XDH: variants seen among roughly 807,000 people sequenced by gnomAD.
XDH encodes xanthine dehydrogenase/oxidase.
XDH carries 138 observed loss-of-function variants against 156.1 expected under a neutral mutation model. The observed-to-expected ratio is 0.88, with a 90% CI of 0.77 to 1.02. The LOEUF is 1.02. Among genes scored for constraint, XDH ranks in the 50% least tolerant of loss-of-function variants. XDH has a pLI of 0.00. For missense variants in XDH, 1,849 were observed against 1,684.9 expected (o/e 1.10, Z -1.71); for synonymous variants, 669 against 625.7 (o/e 1.07, Z -1.03).
At chr2:31,349,964 A>G (rs1685417315) in intron 25 of XDH, 68 bp downstream of exon 25, 1 of 1,612,000 alleles carries the variant, frequency 6.2e-7, no homozygotes, top group South Asian at 1.1e-5. Context: ...GATGCCCAAG[A>G]TACAAAGCCG....
At chr2:31,368,470 G>T in intron 19 of XDH, 71 bp downstream of exon 19, 1 of 1,591,792 alleles carries the variant, frequency 6.3e-7, no homozygotes, top group South Asian at 1.1e-5. Context: ...TCCCCTCCAG[G>T]GGATCCTAAT....
chr2:31,367,570 G>C (rs985500835), intron 20 of XDH, among the ~76,000 whole-genome samples: 1 of 152,200 alleles, frequency 6.6e-6, no homozygotes, highest in African/African-American at 2.4e-5. Flanking sequence ...GCAGGGCAAA[G>C]GGAAGAGGAG....
chr2:31,414,251 G>C (rs1227063098), intron 1 of XDH, among the ~76,000 whole-genome samples: 2 of 151,996 alleles, frequency 1.3e-5, no homozygotes, highest in African/African-American at 4.8e-5. Flanking sequence ...TAAATTTTAG[G>C]ATATATTTGA....
intron 13 of XDH, among the ~76,000 whole-genome samples, chr2:31,378,007 C>G (rs766770843): frequency 1.4e-5 from 2 of 147,006 alleles, no homozygotes; most frequent in Non-Finnish European, 1.5e-5. Flanking sequence ...GGCCAGCAGG[C>G]AGAGTGAGAA....
intron 24 of XDH, among the ~76,000 whole-genome samples, chr2:31,351,361 C>T (rs1308792875): frequency 1.3e-5 from 2 of 152,082 alleles, no homozygotes; most frequent in Non-Finnish European, 2.9e-5. Context: ...TTCTAAAAAT[C>T]TGCTCCTAAT....
chr2:31,341,523 G>T, intron 32 of XDH, 129 bp from the exon 33 acceptor site: 1 of 937,268 alleles, frequency 1.1e-6, no homozygotes, highest in Non-Finnish European at 1.7e-6. Flanking sequence ...GAAAGCCCTG[G>T]GTGTGCTCAG....
intron 16 of XDH, 66 bp from the exon 17 acceptor site, chr2:31,372,463 G>C (rs1292067051): frequency 3.7e-6 from 6 of 1,604,888 alleles, no homozygotes; most frequent in Non-Finnish European, 5.1e-6. Context: ...GGGCCCAGGG[G>C]ACACTGGTGA....
At chr2:31,343,589 T>C (rs909939332) in intron 31 of XDH, among the ~76,000 whole-genome samples, 11 of 145,170 alleles carry the variant, frequency 7.6e-5, no homozygotes, top group African/African-American at 2.5e-4. Context: ...GTAATATCTA[T>C]ACATATATTA....
chr2:31,356,598 A>G (rs536419849), intron 24 of XDH, among the ~76,000 whole-genome samples: 1 of 152,338 alleles, frequency 6.6e-6, no homozygotes, highest in African/African-American at 2.4e-5. Flanking sequence ...AAAGGTCAGG[A>G]ATGGATCCTT....
chr2:31,403,441 A>G (rs1687115357), intron 2 of XDH, among the ~76,000 whole-genome samples: 1 of 152,130 alleles, frequency 6.6e-6, no homozygotes, highest in African/African-American at 2.4e-5. Context: ...TCAGTCCTAG[A>G]GCCTTCTCTT....
chr2:31,387,991 C>A, intron 7 of XDH, 94 bp from the exon 8 acceptor site: 2 of 1,387,792 alleles, frequency 1.4e-6, no homozygotes, highest in Non-Finnish European at 2.0e-6. Flanking sequence ...CAAGCTCATT[C>A]CCAGCCCCCT....
At chr2:31,358,981 A>T (rs1685703717) in intron 24 of XDH, among the ~76,000 whole-genome samples, 1 of 152,184 alleles carries the variant, frequency 6.6e-6, no homozygotes. Context: ...CTATTTGCAG[A>T]TGATAATGAT....
intron 20 of XDH, 59 bp from the exon 21 acceptor site, chr2:31,367,053 C>G: frequency 6.2e-7 from 1 of 1,613,100 alleles, no homozygotes; most frequent in East Asian, 2.2e-5. Context: ...GGCCAGCTTG[C>G]CTAAGGAGAG....
chr2:31,384,199 C>T (rs71444496), intron 9 of XDH: 6,565 of 301,792 alleles, frequency 0.022, 116 homozygotes, highest in Middle Eastern at 0.061. Context: ...ATGTCAGGAA[C>T]CCTTCTAAGC....
At chr2:31,388,091 T>G (rs1036988774) in intron 7 of XDH, 136 bp downstream of exon 7, 9 of 1,106,158 alleles carry the variant, frequency 8.1e-6, no homozygotes, top group African/African-American at 1.5e-5. Flanking sequence ...ACCATCACCA[T>G]CCCCACAGTC....
At position 31,386,395 on chromosome 2, in the gene XDH, C is replaced by A. The variant is rs45625137; in HGVS notation, c.793+19G>T. ...CCCAGACCCCCTGGCAGCCCCAGGG[C>A]AGCCTCCCTGGCCCTTACCAATCTC... On this transcript the variant is annotated intron_variant, in intron 9 of 35. Coordinates refer to ENST00000379416, the MANE Select transcript of XDH (RefSeq NM_000379.4). 5 of 1,610,870 alleles carry A rather than the reference C, an allele frequency of 3.1e-6. No homozygotes were observed. Among genetic ancestry groups the A allele is most frequent in the Middle Eastern group, 2.0e-4 (1 of 5,068 alleles).
At chr2:31,384,130 G>GTGTGTGTT (rs1426596628) in intron 9 of XDH, 5 of 385,356 alleles carry the variant, frequency 1.3e-5, no homozygotes, top group Non-Finnish European at 2.5e-5. Flanking sequence ...GTGTGTGTGT[G>GTGTGTGTT]TGTGTGTGTG....
chr2:31,397,144 G>A (rs546485113), intron 6 of XDH, among the ~76,000 whole-genome samples: 5 of 152,264 alleles, frequency 3.3e-5, no homozygotes, highest in Admixed American at 1.3e-4. Flanking sequence ...CCACACATCC[G>A]GCTGTGACTT....
At chr2:31,337,893 G>T (rs1335512736) in intron 34 of XDH, 76 bp from the exon 35 acceptor site, 12 of 1,533,696 alleles carry the variant, frequency 7.8e-6, no homozygotes, top group Non-Finnish European at 8.9e-6. Flanking sequence ...GACCTAGGAG[G>T]CCAGGCAGCA....
Sources: allele counts gnomAD v4.1 joint callset (sites outside exome capture counted in the v4.1 genomes callset), GRCh38; gene constraint gnomAD v4.1.1; transcripts MANE v1.5; gene names NCBI Gene and HGNC (gene_info 2026-07-23, HGNC 2026-07-21).